Variants in SMKR1 observed in about 807,000 individuals in gnomAD.
The protein encoded by SMKR1 is small lysine rich protein 1.
In SMKR1, 4 loss-of-function variants were observed where a neutral mutation model predicts 4.0. That is an observed-to-expected ratio of 1.00 (90% CI 0.49 to 2.30). The LOEUF is 2.30. SMKR1 is among the 30% of genes most tolerant of loss of function. The probability of loss-of-function intolerance (pLI) is 0.02; values close to 1 mark genes in which losing one functional copy is unlikely to be tolerated. For missense variants in SMKR1, 56 were observed against 81.8 expected, an observed-to-expected ratio of 0.68 and a Z score of 1.22; for synonymous variants, 38 against 32.5, an observed-to-expected ratio of 1.17 and a Z score of -0.58.
rs544036357 is a variant in SMKR1, at chr7:129,504,071, G to T, written c.3+1244G>T. Among the ~76,000 whole-genome samples, 3 of 151,860 alleles carry T rather than the reference G, an allele frequency of 2.0e-5. No homozygotes were observed. The East Asian group carries it at 5.8e-4, about 29-fold the overall frequency. Reference sequence around the variant, plus strand: ...TCAAACGCCTGGGCTCAAGGGATCCGCCCGCCTTGGCCTCTCAAATTGCTG... The same window carrying T: ...TCAAACGCCTGGGCTCAAGGGATCCTCCCGCCTTGGCCTCTCAAATTGCTG... On this transcript the variant is annotated intron_variant, in intron 1 of 1. Coordinates refer to ENST00000462322, the MANE Select transcript of SMKR1 (RefSeq NM_001195243.2).
At position 129,512,427 on chromosome 7, in the gene SMKR1, G is replaced by C. The variant is rs1799537174; in HGVS notation, c.184G>C (p.Gly62Arg). The C allele has an allele frequency of 3.9e-6, 6 of 1,533,908 alleles. No homozygotes were observed. The highest frequency in any genetic ancestry group is 2.0e-5 in the Admixed American group (1 of 50,308). Residue 62 changes from glycine to arginine, a missense_variant, in exon 2 of 2, where the codon GGG becomes CGG. Gly to Arg is a moderately radical substitution (Grantham distance 125). Transcript: ENST00000462322. ...HWPGAPKGKK[G>R]RSK ...GCCGGGTGCTCCCAAAGGAAAGAAAGGGAGAAGCAAGTGACAGCATTTCAC... is the reference window on the plus strand; with the variant it reads ...GCCGGGTGCTCCCAAAGGAAAGAAACGGAGAAGCAAGTGACAGCATTTCAC...
intron 1 of SMKR1, among the ~76,000 whole-genome samples, chr7:129,507,888 G>A (rs1799486249): frequency 6.6e-6 from 1 of 152,130 alleles, no homozygotes; most frequent in African/African-American, 2.4e-5. Flanking sequence ...CGTTTTGAGA[G>A]TTGTTTGTTC....
chr7:129,502,735 A>C lies in SMKR1; in HGVS notation c.-90A>C. 1 of 1,524,580 alleles carries C rather than the reference A, an allele frequency of 6.6e-7. No homozygotes were observed. The highest frequency in any genetic ancestry group is 2.0e-5 in the Admixed American group (1 of 50,902). The allele number at this position is 1,524,580 out of a possible 1,614,324, so 94.4% of individuals were successfully genotyped here. A position where few individuals can be genotyped will look rare whatever the true frequency, so the allele number is the denominator to read the frequency against. On this transcript the variant is annotated 5_prime_UTR_variant, in exon 1 of 2. Coordinates refer to ENST00000462322, the MANE Select transcript of SMKR1 (RefSeq NM_001195243.2). ...AGAAGGGGCCGGGGGTGCTAGGGGA[A>C]CGGGCGCTGGGGGCAGCGGCCCCGG...
intron 1 of SMKR1, among the ~76,000 whole-genome samples, chr7:129,504,490 T>C (rs1315910142): frequency 3.9e-5 from 6 of 152,230 alleles, no homozygotes; most frequent in Non-Finnish European, 1.5e-5. Flanking sequence ...TTGCCCATCT[T>C]GTGCTATTAT....
intron 1 of SMKR1, among the ~76,000 whole-genome samples, chr7:129,510,800 CT>C (rs554625394): frequency 9.6e-4 from 139 of 145,180 alleles, no homozygotes; most frequent in Middle Eastern, 3.5e-3. Flanking sequence ...TGCTAAGTGT[CT>C]TTTTTTTTTT....
chr7:129,506,701 T>C (rs1347854334), intron 1 of SMKR1, among the ~76,000 whole-genome samples: 1 of 151,184 alleles, frequency 6.6e-6, no homozygotes, highest in Non-Finnish European at 1.5e-5. Flanking sequence ...TTTTTTTTTT[T>C]ACTGACTTTT....
In SMKR1 at chr7:129,512,282, G is replaced by T. The variant is rs777250089; in HGVS notation, c.39G>T (p.Lys13Asn). Residue 13 changes from lysine to asparagine, a missense_variant, in exon 2 of 2, where the codon AAG (lysine) becomes AAT (asparagine). Physicochemically the swap from Lys to Asn is moderately conservative, Grantham distance 94. Coordinates refer to ENST00000462322, the MANE Select transcript of SMKR1 (RefSeq NM_001195243.2). ...GGAAAAAAGGAAAAGGCCAGGGCAA[G>T]TCTCATGGGAAGAAACAGAAGAAAC... ...AKGKKGKGQG[K>N]SHGKKQKKPE... 2 of 1,534,840 alleles carry T rather than the reference G, an allele frequency of 1.3e-6. No homozygotes were observed. The highest frequency in any genetic ancestry group is 2.4e-5 in the South Asian group (2 of 83,768).
At chr7:129,504,243 G>C (rs1278882963) in intron 1 of SMKR1, among the ~76,000 whole-genome samples, 2 of 152,228 alleles carry the variant, frequency 1.3e-5, no homozygotes, top group Non-Finnish European at 2.9e-5. Context: ...TTAGTGCACA[G>C]AGCCTGCAAG....
chr7:129,507,236 C>T (rs909703212), intron 1 of SMKR1, among the ~76,000 whole-genome samples: 10 of 152,106 alleles, frequency 6.6e-5, no homozygotes, highest in Non-Finnish European at 1.3e-4. Context: ...AGGACGGTCT[C>T]GATCTCCTGA....
At position 129,502,537 on chromosome 7, in the gene SMKR1, C is replaced by A. The variant is rs1799420398; in HGVS notation, c.-288C>A. 1 of 311,426 alleles carries A rather than the reference C, an allele frequency of 3.2e-6. No homozygotes were observed. The highest frequency in any genetic ancestry group is 5.8e-6 in the Non-Finnish European group (1 of 172,154). 19.3% of individuals were successfully genotyped at this position (311,426 alleles called of 1,614,324 possible). The stretch of plus-strand genomic sequence containing the variant: ...GCGGCCCCGCCCCCGAGGCGCACGC[C>A]GGCCCAGCGCCCACAGCTGCGGCGG... On this transcript the variant is annotated 5_prime_UTR_variant, in exon 1 of 2. Transcript: ENST00000462322.
chr7:129,504,251 A>C (rs1799441987), intron 1 of SMKR1, among the ~76,000 whole-genome samples: 1 of 152,224 alleles, frequency 6.6e-6, no homozygotes, highest in Admixed American at 6.5e-5. Context: ...CAGAGCCTGC[A>C]AGCCAGAGCG....
At chr7:129,505,265 CG>C (rs1799452872) in intron 1 of SMKR1, among the ~76,000 whole-genome samples, 1 of 152,060 alleles carries the variant, frequency 6.6e-6, no homozygotes, top group Non-Finnish European at 1.5e-5. Flanking sequence ...AAAAGTGGTG[CG>C]GGGAAGGAGA....
chr7:129,506,754 T>C (rs1178443371), intron 1 of SMKR1, among the ~76,000 whole-genome samples: 4 of 151,904 alleles, frequency 2.6e-5, no homozygotes, highest in Non-Finnish European at 2.9e-5. Context: ...TGTTATATCA[T>C]TTATCAGTAA....
intron 1 of SMKR1, among the ~76,000 whole-genome samples, chr7:129,505,065 T>C (rs758355754): frequency 6.6e-6 from 1 of 152,272 alleles, no homozygotes; most frequent in Non-Finnish European, 1.5e-5. Flanking sequence ...AATCCACATT[T>C]GCTTTCTAAA....
chr7:129,509,052 C>T (rs544172471), intron 1 of SMKR1, among the ~76,000 whole-genome samples: 86 of 152,208 alleles, frequency 5.7e-4, no homozygotes, highest in African/African-American at 1.9e-3. Context: ...TGGTGGCTCA[C>T]GCCTATAATC....
chr7:129,502,673 T>A lies in SMKR1; in HGVS notation c.-152T>A. The A allele has an allele frequency of 1.7e-6, 2 of 1,158,830 alleles. No homozygotes were observed. Among genetic ancestry groups the A allele is most frequent in the Non-Finnish European group, 2.4e-6 (2 of 842,778 alleles). The allele number at this position is 1,158,830 out of a possible 1,614,324, so 71.8% of individuals were successfully genotyped here. ...AGCGAGGCGTGGCGGGGAGGCGTAGTGAGGCTGGGCCCGTGGCGGTTCCCT... is the reference window on the plus strand; with the variant it reads ...AGCGAGGCGTGGCGGGGAGGCGTAGAGAGGCTGGGCCCGTGGCGGTTCCCT... On this transcript the variant is annotated 5_prime_UTR_variant, in exon 1 of 2. Coordinates refer to ENST00000462322, the MANE Select transcript of SMKR1 (RefSeq NM_001195243.2).
At chr7:129,505,439 A>G (rs1466991387) in intron 1 of SMKR1, among the ~76,000 whole-genome samples, 1 of 151,812 alleles carries the variant, frequency 6.6e-6, no homozygotes, top group Non-Finnish European at 1.5e-5. Context: ...TACAGACAGA[A>G]TATAGACATG....
intron 1 of SMKR1, among the ~76,000 whole-genome samples, chr7:129,510,750 A>T (rs1799517220): frequency 6.6e-6 from 1 of 151,946 alleles, no homozygotes; most frequent in South Asian, 2.1e-4. Context: ...AGGTGATGAC[A>T]GTCATCATTT....
chr7:129,512,233 T>A lies in SMKR1; in HGVS notation c.4-14T>A. The stretch of plus-strand genomic sequence containing the variant: ...TAACTTCCCTCCTCCCATATTTATA[T>A]TTGTCTTTGAAAGCCAGCTAAAGGG... On this transcript the variant is annotated splice_polypyrimidine_tract_variant and intron_variant, in intron 1 of 1. Transcript: ENST00000462322. The A allele has an allele frequency of 6.7e-7, 1 of 1,499,146 alleles. No homozygotes were observed. The allele number at this position is 1,499,146 out of a possible 1,614,324, so 92.9% of individuals were successfully genotyped here.
Sources: gnomAD v4.1 joint callset for allele counts (sites outside exome capture counted in the v4.1 genomes callset) on GRCh38, gnomAD v4.1.1 for gene constraint, MANE v1.5 for transcripts, NCBI Gene and HGNC (gene_info 2026-07-23, HGNC 2026-07-21) for gene names.